Variants in DNAH14 observed in about 807,000 individuals in gnomAD.
The protein encoded by DNAH14 is axonemal beta dynein heavy chain 14.
In DNAH14, 478 loss-of-function variants were observed where a neutral mutation model predicts 520.9. The ratio of observed to expected loss-of-function variants is 0.92; its 90% CI spans 0.85 to 0.99. The LOEUF (loss-of-function observed/expected upper bound fraction) is 0.99, where lower values mean the gene tolerates loss of function less well. Ranked by LOEUF, DNAH14 falls within the 50% of genes least tolerant of loss-of-function variation. The pLI, the probability that DNAH14 is intolerant of heterozygous loss-of-function variation, is 0.00. For synonymous variants in DNAH14, 1,581 were observed against 1,757.2 expected, an observed-to-expected ratio of 0.90 and a Z score of 2.51; for missense variants, 4,831 against 5,234.5, an observed-to-expected ratio of 0.92 and a Z score of 2.38.
Position 225,207,232 on chromosome 1 carries a change from T to G in DNAH14, c.6439+12T>G. On this transcript the variant is annotated intron_variant, in intron 41 of 85. Coordinates refer to ENST00000682510, the MANE Select transcript of DNAH14 (RefSeq NM_001367479.1). ...AGGATTTGAACAAAGTGAGTTTTTT[T>G]CTCTAAGTCATATCAATGATATATC... 6.7e-7 allele frequency: 1 copy of G among 1,497,536 alleles called. No individual in the cohort carries two copies. Among genetic ancestry groups the G allele is most frequent in the South Asian group, 1.3e-5 (1 of 75,790 alleles). The allele number at this position is 1,497,536 out of a possible 1,614,324, so 92.8% of individuals were successfully genotyped here.
Position 225,346,089 on chromosome 1 carries a change from C to T in DNAH14, c.10806C>T (p.Asn3602=). 6.4e-7 allele frequency: 1 copy of T among 1,551,678 alleles called. No homozygotes were observed. The highest frequency in any genetic ancestry group is 1.2e-5 in the South Asian group (1 of 84,056). ...AESEIQAIRK[N]YLPIATRGAL... ...GTGAAATCCAAGCAATACGTAAAAA[C>T]TATCTCCCCATTGCGACCCGAGGCG... is the stretch of plus-strand genomic sequence containing the variant. Residue 3602 remains asparagine, a synonymous_variant, in exon 70 of 86, where the codon AAC becomes AAT. Coordinates refer to ENST00000682510, the MANE Select transcript of DNAH14 (RefSeq NM_001367479.1).
At chr1:225,110,692 A>G (rs1377283482) in intron 23 of DNAH14, among the ~76,000 whole-genome samples, 1 of 150,520 alleles carries the variant, frequency 6.6e-6, no homozygotes, top group Non-Finnish European at 1.5e-5. Flanking sequence ...ATTTTCTTCT[A>G]CTAATTTTGA....
intron 58 of DNAH14, among the ~76,000 whole-genome samples, chr1:225,305,907 A>T (rs1199051261): frequency 1.3e-5 from 2 of 152,234 alleles, no homozygotes; most frequent in Non-Finnish European, 2.9e-5. Context: ...CATAGGGAAC[A>T]CTGCATGAGA....
chr1:225,144,352 A>C (rs2079727209), intron 28 of DNAH14, 45 bp from the exon 29 acceptor site: 2 of 1,394,292 alleles, frequency 1.4e-6, no homozygotes, highest in African/African-American at 2.9e-5. Context: ...AATACATAAA[A>C]ATAATTTAAC....
intron 38 of DNAH14, among the ~76,000 whole-genome samples, chr1:225,197,280 C>T (rs1353201669): frequency 6.6e-6 from 1 of 152,112 alleles, no homozygotes; most frequent in Non-Finnish European, 1.5e-5. Context: ...TATCCCAGCA[C>T]CATTTGTTGA....
chr1:224,992,004 C>A (rs577871698), intron 8 of DNAH14, among the ~76,000 whole-genome samples: 8 of 152,254 alleles, frequency 5.3e-5, no homozygotes, highest in African/African-American at 1.9e-4. Flanking sequence ...TATCCTTTAT[C>A]CATTGTGTAT....
At chr1:225,015,015 T>A (rs1040424130) in intron 10 of DNAH14, among the ~76,000 whole-genome samples, 2 of 152,222 alleles carry the variant, frequency 1.3e-5, no homozygotes, top group Non-Finnish European at 2.9e-5. Flanking sequence ...TGTTATATTA[T>A]CTTGCTGAAC....
intron 8 of DNAH14, among the ~76,000 whole-genome samples, chr1:225,001,703 G>A (rs994441684): frequency 6.6e-6 from 1 of 152,142 alleles, no homozygotes; most frequent in Admixed American, 6.6e-5. Context: ...ACTGAATAAT[G>A]TGAGTTTATT....
chr1:224,963,474 C>T (rs763779104), intron 4 of DNAH14, among the ~76,000 whole-genome samples: 44 of 152,048 alleles, frequency 2.9e-4, no homozygotes, highest in Non-Finnish European at 5.6e-4. Context: ...TTTCAAATGG[C>T]TAACCACTTT....
chr1:225,246,801 CGTT>C (rs1324781598), intron 43 of DNAH14, among the ~76,000 whole-genome samples: 10 of 152,142 alleles, frequency 6.6e-5, no homozygotes, highest in African/African-American at 2.4e-4. Context: ...TTAGCTCAAT[CGTT>C]GTGGAAGACA....
intron 79 of DNAH14, 127 bp from the exon 80 acceptor site, chr1:225,380,032 C>A: frequency 2.1e-6 from 2 of 971,986 alleles, no homozygotes; most frequent in African/African-American, 1.7e-5. Context: ...TATACTCATC[C>A]TACAGTGGTA....
intron 36 of DNAH14, 142 bp from the exon 37 acceptor site, chr1:225,185,149 C>A (rs1474918093): frequency 2.3e-5 from 20 of 859,420 alleles, no homozygotes; most frequent in South Asian, 1.2e-4. Context: ...ACACCAATAA[C>A]ATTCATGCTG....
At chr1:225,054,507 G>A (rs2068846115) in intron 17 of DNAH14, among the ~76,000 whole-genome samples, 1 of 151,770 alleles carries the variant, frequency 6.6e-6, no homozygotes, top group African/African-American at 2.4e-5. Flanking sequence ...TCAAATTAAT[G>A]GTTTTAGTAT....
chr1:225,305,081 A>C lies in DNAH14; in HGVS notation c.8997A>C (p.Gln2999His). The change falls in exon 58 of 86, where the codon CAA becomes CAC. Residue 2999 changes from glutamine (Q) to histidine (H), a missense_variant. Physicochemically the swap from Gln to His is conservative, Grantham distance 24. Coordinates refer to ENST00000682510, the MANE Select transcript of DNAH14 (RefSeq NM_001367479.1). The stretch of plus-strand genomic sequence containing the variant: ...TGAGGGCACGAGAGGAAGAGATGCA[A>C]ACAAAGAGGTAAGACTTTGAGAACA... Reference protein sequence around the residue: ...HILRAREEEMQTKRDRFHMGL... With the variant: ...HILRAREEEMHTKRDRFHMGL... 6.5e-7 allele frequency: 1 copy of C among 1,530,812 alleles called. No homozygotes were observed. Among genetic ancestry groups the C allele is most frequent in the Non-Finnish European group, 8.8e-7 (1 of 1,142,474 alleles). 94.8% of individuals were successfully genotyped at this position (1,530,812 alleles called of 1,614,324 possible). A position where few individuals can be genotyped will look rare whatever the true frequency, so the allele number is the denominator to read the frequency against.
chr1:225,219,072 T>G (rs1445389516), intron 41 of DNAH14, among the ~76,000 whole-genome samples: 2 of 152,238 alleles, frequency 1.3e-5, no homozygotes, highest in East Asian at 3.9e-4. Context: ...AATAACGAAA[T>G]TATTAGCTAG....
At chr1:225,238,566 G>C (rs1336744124) in intron 42 of DNAH14, among the ~76,000 whole-genome samples, 1 of 152,300 alleles carries the variant, frequency 6.6e-6, no homozygotes, top group Admixed American at 6.5e-5. Context: ...GGAGACGCCT[G>C]TTGGGAGGTC....
chr1:224,998,796 G>C (rs2063559542), intron 8 of DNAH14, among the ~76,000 whole-genome samples: 1 of 152,116 alleles, frequency 6.6e-6, no homozygotes, highest in African/African-American at 2.4e-5. Context: ...AAGTTGTTTA[G>C]CTTTCTATAT....
intron 66 of DNAH14, among the ~76,000 whole-genome samples, chr1:225,335,947 GTA>G (rs1469038146): frequency 1.8e-5 from 2 of 114,154 alleles, no homozygotes; most frequent in African/African-American, 6.0e-5. Context: ...ATACATATAT[GTA>G]TATATACACA....
At chr1:225,212,644 C>A (rs974386811) in intron 41 of DNAH14, among the ~76,000 whole-genome samples, 1 of 152,302 alleles carries the variant, frequency 6.6e-6, no homozygotes, top group Non-Finnish European at 1.5e-5. Context: ...ATTTGCATTT[C>A]TCTGATGGCC....
Sources: allele counts gnomAD v4.1 joint callset (sites outside exome capture counted in the v4.1 genomes callset), GRCh38; gene constraint gnomAD v4.1.1; transcripts MANE v1.5; gene names NCBI Gene and HGNC (gene_info 2026-07-23, HGNC 2026-07-21).